RTTN: variants seen among roughly 807,000 people sequenced by gnomAD.
RTTN encodes the protein rotatin.
RTTN carries 182 observed loss-of-function variants against 269.2 expected under a neutral mutation model. The observed-to-expected ratio is 0.68, with a 90% confidence interval of 0.60 to 0.76. The LOEUF (loss-of-function observed/expected upper bound fraction) is 0.76. Ranked by LOEUF, RTTN falls within the 30% of genes least tolerant of loss-of-function variation. The pLI, the probability that RTTN is intolerant of heterozygous loss-of-function variation, is 0.00. For missense variants in RTTN, 2,545 were observed against 2,608.6 expected (o/e 0.98, Z 0.53); for synonymous variants, 1,006 against 963.5 (o/e 1.04, Z -0.82).
rs747595744 is a variant in RTTN, at chr18:70,140,197, A to T, written c.2582-9T>A. 2.0e-6 allele frequency: 3 copies of T among 1,492,778 alleles called. No individual in the cohort carries two copies. Among genetic ancestry groups the T allele is most frequent in the South Asian group, 1.2e-5 (1 of 86,684 alleles). The allele number at this position is 1,492,778 out of a possible 1,614,324, so 92.5% of individuals were successfully genotyped here. ...AGCATGCATTTTAATATCTGTAGAT[A>T]AAAAAAGTTACTAAAAGTTAAAGCA... On this transcript the variant is annotated splice_polypyrimidine_tract_variant and intron_variant, in intron 19 of 48. Coordinates refer to ENST00000640769, the MANE Select transcript of RTTN (RefSeq NM_173630.4).
At chr18:70,058,931 T>C (rs1253117011) in intron 36 of RTTN, among the ~76,000 whole-genome samples, 1 of 152,208 alleles carries the variant, frequency 6.6e-6, no homozygotes, top group Non-Finnish European at 1.5e-5. Flanking sequence ...TTTCTAGAGT[T>C]TTCTTAATAT....
intron 7 of RTTN, among the ~76,000 whole-genome samples, chr18:70,195,176 G>A (rs781005238): frequency 6.6e-6 from 1 of 152,100 alleles, no homozygotes; most frequent in African/African-American, 2.4e-5. Context: ...CACTCTCATG[G>A]GCTTTATTTC....
chr18:70,121,364 G>A (rs1321091320), intron 26 of RTTN, among the ~76,000 whole-genome samples, 192 bp downstream of exon 26: 1 of 152,132 alleles, frequency 6.6e-6, no homozygotes, highest in Non-Finnish European at 1.5e-5. Flanking sequence ...CCCATTCACT[G>A]TACAGAATTT....
intron 28 of RTTN, among the ~76,000 whole-genome samples, chr18:70,106,352 A>G (rs974638121): frequency 3.9e-5 from 6 of 152,176 alleles, no homozygotes; most frequent in Non-Finnish European, 7.4e-5. Flanking sequence ...TCAAAGAAAT[A>G]AAGTAAAATA....
At position 70,124,463 on chromosome 18, in the gene RTTN, T is replaced by A. The variant is rs114722494; in HGVS notation, c.3384-2763A>T. On this transcript the variant is annotated intron_variant, in intron 25 of 48. Transcript: ENST00000640769. ...CAGGGTAACTAGAATTCCACATACA[T>A]CACAGAGTAAGAAGACCCTGGAGCT... Among the ~76,000 whole-genome samples, 353 of 152,102 alleles carry A rather than the reference T, an allele frequency of 2.3e-3. 1 individual carries two copies. The highest frequency in any genetic ancestry group is 8.2e-3 in the African/African-American group (339 of 41,508).
intron 27 of RTTN, among the ~76,000 whole-genome samples, chr18:70,114,020 A>T (rs2059541280): frequency 4.6e-5 from 7 of 152,196 alleles, no homozygotes; most frequent in Admixed American, 4.6e-4. Flanking sequence ...TGTACATTTT[A>T]AAATGGTTAA....
rs754954667 is a variant in RTTN, at chr18:70,048,208, T to C, written c.5324-20A>G. 2.5e-6 allele frequency: 4 copies of C among 1,585,764 alleles called. No individual in the cohort carries two copies. In the South Asian group the frequency reaches 3.4e-5, roughly 13 times the overall value. ...ACATATCTAAAGGAATAATTTCAGA[T>C]GTGAATGTTTGAAAATTTCTTCAAA... On this transcript the variant is annotated intron_variant, in intron 39 of 48. Transcript: ENST00000640769.
In RTTN at chr18:70,193,679, G is replaced by A. The variant is rs529946694; in HGVS notation, c.842-226C>T. ...ATTACATGGGACCTTCTAGTCAATG[G>A]CATTCAGTTACAACATTAGAGACTA... is the stretch of plus-strand genomic sequence containing the variant. On this transcript the variant is annotated intron_variant, in intron 7 of 48. Transcript: ENST00000640769. Among the ~76,000 whole-genome samples, 77 of 152,166 alleles carry A rather than the reference G, an allele frequency of 5.1e-4. No individual in the cohort carries two copies. In the South Asian group the frequency reaches 0.016, roughly 31 times the overall value.
chr18:70,096,373 G>T (rs1427360408), intron 28 of RTTN, among the ~76,000 whole-genome samples: 1 of 152,190 alleles, frequency 6.6e-6, no homozygotes, highest in East Asian at 1.9e-4. Flanking sequence ...TGGAGGAAAA[G>T]AGGCATTCTG....
intron 34 of RTTN, among the ~76,000 whole-genome samples, chr18:70,066,659 C>T (rs1260179457): frequency 1.3e-5 from 2 of 152,142 alleles, no homozygotes; most frequent in African/African-American, 4.8e-5. Context: ...ATGAAGTGCC[C>T]ATACCTGGGT....
At chr18:70,085,751 C>A (rs923781254) in intron 32 of RTTN, among the ~76,000 whole-genome samples, 1 of 152,050 alleles carries the variant, frequency 6.6e-6, no homozygotes, top group Non-Finnish European at 1.5e-5. Context: ...CGTGTTCTCA[C>A]GTATAAGTGG....
intron 27 of RTTN, among the ~76,000 whole-genome samples, chr18:70,111,758 A>G (rs1393218395): frequency 6.6e-6 from 1 of 152,222 alleles, no homozygotes; most frequent in Non-Finnish European, 1.5e-5. Context: ...GAACTTCCCC[A>G]ATCTAGCAAG....
At chr18:70,114,664 G>T in intron 26 of RTTN, 65 bp from the exon 27 acceptor site, 1 of 1,473,062 alleles carries the variant, frequency 6.8e-7, no homozygotes, top group Non-Finnish European at 9.2e-7. Context: ...CCTATAAAGG[G>T]TTTGGTTGCT....
chr18:70,066,489 G>C (rs2058138914), intron 34 of RTTN, among the ~76,000 whole-genome samples: 1 of 152,136 alleles, frequency 6.6e-6, no homozygotes, highest in Admixed American at 6.5e-5. Context: ...TCACCTACAG[G>C]TTTATAATGA....
intron 8 of RTTN, among the ~76,000 whole-genome samples, chr18:70,192,255 C>G (rs1350954116): frequency 6.6e-6 from 1 of 152,154 alleles, no homozygotes; most frequent in Non-Finnish European, 1.5e-5. Context: ...CAATGCTTAA[C>G]TTAGTGAACA....
intron 41 of RTTN, 142 bp from the exon 42 acceptor site, chr18:70,030,251 T>G: frequency 1.7e-6 from 1 of 584,050 alleles, no homozygotes; most frequent in Non-Finnish European, 3.0e-6. Context: ...CAGAGATTAA[T>G]GAATCAGAGG....
chr18:70,012,141 C>G (rs1194957929), intron 46 of RTTN, among the ~76,000 whole-genome samples: 1 of 86,226 alleles, frequency 1.2e-5, no homozygotes, highest in Non-Finnish European at 2.3e-5. Context: ...TGGTGTTAGA[C>G]AGAGGGCAGC....
intron 38 of RTTN, among the ~76,000 whole-genome samples, chr18:70,052,394 C>T (rs558912514): frequency 6.6e-6 from 1 of 152,268 alleles, no homozygotes; most frequent in South Asian, 2.1e-4. Flanking sequence ...AATGTTTCCT[C>T]ATTGCCATCC....
At chr18:70,038,873 G>C (rs1190375806) in intron 40 of RTTN, among the ~76,000 whole-genome samples, 6 of 152,178 alleles carry the variant, frequency 3.9e-5, no homozygotes, top group Non-Finnish European at 8.8e-5. Flanking sequence ...AAATTTAACA[G>C]AGAGATTTAA....
Sources: allele counts gnomAD v4.1 joint callset (sites outside exome capture counted in the v4.1 genomes callset), GRCh38; gene constraint gnomAD v4.1.1; transcripts MANE v1.5; gene names NCBI Gene and HGNC (gene_info 2026-07-23, HGNC 2026-07-21).